The following DDHD1 variants were observed in gnomAD, a reference collection of about 807,000 sequenced individuals.
The protein encoded by DDHD1 is DDHD domain containing 1, also known as phospholipase DDHD1.
DDHD1 carries 49 observed loss-of-function variants against 96.4 expected under a neutral mutation model. The ratio of observed to expected loss-of-function variants is 0.51; its 90% CI spans 0.40 to 0.64. The LOEUF is 0.64. Among genes scored for constraint, DDHD1 ranks in the 30% least tolerant of loss-of-function variants. DDHD1 has a pLI of 0.00. For synonymous variants in DDHD1, 442 were observed against 446.5 expected (o/e 0.99, Z 0.13); for missense variants, 1,106 against 1,161.2 (o/e 0.95, Z 0.69).
In DDHD1 at chr14:53,046,945, C is replaced by T. The variant is rs368019624; in HGVS notation, c.2526G>A (p.Glu842=). The T allele has an allele frequency of 1.6e-5, 25 of 1,602,258 alleles. No individual in the cohort carries two copies. In the Middle Eastern group the frequency reaches 5.0e-4, roughly 32 times the overall value. The change falls in exon 13 of 13, where the codon GAG becomes GAA. Residue 842 remains glutamate (E), a synonymous_variant. Transcript: ENST00000673822. The part of the protein sequence containing the change: ...VMQNKDNALV[E]LDHRIDFELR... ...GTTCAAAATCAATCCTGTGATCCAA[C>T]TCCACTAAAAAGAAAAGAAGTTAAA...
Position 53,102,830 on chromosome 14 carries a change from T to C in DDHD1, c.1012+853A>G, listed in dbSNP as rs1180747223. Among the ~76,000 whole-genome samples the C allele has an allele frequency of 2.0e-5, 3 of 152,114 alleles. No individual in the cohort carries two copies. In the East Asian group the frequency reaches 5.8e-4, roughly 29 times the overall value. On this transcript the variant is annotated intron_variant, in intron 2 of 12. Transcript: ENST00000673822. ...TTCAAGCTTCATTCTGTAAATCACCTGATCAATATTGAGTTTTTCTGCTTT... is the reference window on the plus strand; with the variant it reads ...TTCAAGCTTCATTCTGTAAATCACCCGATCAATATTGAGTTTTTCTGCTTT...
At chr14:53,108,790 CAG>C (rs1357465749) in intron 1 of DDHD1, among the ~76,000 whole-genome samples, 1 of 152,114 alleles carries the variant, frequency 6.6e-6, no homozygotes, top group African/African-American at 2.4e-5. Flanking sequence ...CTTTTCATGT[CAG>C]AGTTTAGATT....
At chr14:53,118,858 T>C (rs1358112170) in intron 1 of DDHD1, among the ~76,000 whole-genome samples, 1 of 152,018 alleles carries the variant, frequency 6.6e-6, no homozygotes, top group African/African-American at 2.4e-5. Context: ...GACACATTAA[T>C]TGTCAGATTC....
In DDHD1 at chr14:53,153,196, T is replaced by C. The variant is rs1891599682; in HGVS notation, c.-98A>G. ...CGCCGCCGCCCTCTCCACCCGAAGTTTCTAATCTTTCAAATCCCGACCCGA... is the reference window on the plus strand; with the variant it reads ...CGCCGCCGCCCTCTCCACCCGAAGTCTCTAATCTTTCAAATCCCGACCCGA... On this transcript the variant is annotated 5_prime_UTR_variant, in exon 1 of 13. Transcript: ENST00000673822. 9.0e-7 allele frequency: 1 copy of C among 1,112,748 alleles called. No individual in the cohort carries two copies. Among genetic ancestry groups the C allele is most frequent in the East Asian group, 3.2e-5 (1 of 30,924 alleles). 68.9% of individuals were successfully genotyped at this position (1,112,748 alleles called of 1,614,324 possible). A position where few individuals can be genotyped will look rare whatever the true frequency, so the allele number is the denominator to read the frequency against.
At chr14:53,111,635 C>A (rs1027638008) in intron 1 of DDHD1, among the ~76,000 whole-genome samples, 9 of 137,876 alleles carry the variant, frequency 6.5e-5, no homozygotes, top group African/African-American at 3.0e-4. Flanking sequence ...AAGTTTATTA[C>A]CCCCCCCCAA....
chr14:53,133,553 C>A (rs1237561523), intron 1 of DDHD1, among the ~76,000 whole-genome samples: 3 of 152,190 alleles, frequency 2.0e-5, no homozygotes, highest in African/African-American at 7.2e-5. Context: ...TAAAGACACA[C>A]CTCACCAAAC....
intron 2 of DDHD1, among the ~76,000 whole-genome samples, chr14:53,099,909 G>C (rs1887171702): frequency 6.6e-6 from 1 of 151,850 alleles, no homozygotes; most frequent in South Asian, 2.1e-4. Flanking sequence ...ATGCTACAAA[G>C]AGTTACACAC....
intron 1 of DDHD1, among the ~76,000 whole-genome samples, chr14:53,126,684 T>C (rs1435038519): frequency 6.6e-6 from 1 of 152,196 alleles, no homozygotes; most frequent in Non-Finnish European, 1.5e-5. Context: ...CATCTTTCTT[T>C]AAGACTCATA....
chr14:53,104,984 A>G (rs936024571), intron 1 of DDHD1, among the ~76,000 whole-genome samples: 2 of 152,110 alleles, frequency 1.3e-5, no homozygotes, highest in African/African-American at 2.4e-5. Context: ...ATTGTTAGTA[A>G]TACTATTTGT....
At chr14:53,075,808 T>C (rs932422969) in intron 4 of DDHD1, among the ~76,000 whole-genome samples, 1 of 152,160 alleles carries the variant, frequency 6.6e-6, no homozygotes, top group Non-Finnish European at 1.5e-5. Context: ...CCTAGGGCCC[T>C]TAAGAATTAT....
At chr14:53,077,230 T>A (rs1448032836) in intron 4 of DDHD1, among the ~76,000 whole-genome samples, 2 of 152,206 alleles carry the variant, frequency 1.3e-5, no homozygotes, top group Non-Finnish European at 2.9e-5. Flanking sequence ...ACACACAACT[T>A]CTTCTCTTTT....
At position 53,103,017 on chromosome 14, in the gene DDHD1, A is replaced by C. The variant is rs1444396538; in HGVS notation, c.1012+666T>G. 4.5e-6 allele frequency: 7 copies of C among 1,563,462 alleles called. No homozygotes were observed. The African/African-American group carries it at 8.1e-5, about 18-fold the overall frequency. On this transcript the variant is annotated intron_variant, in intron 2 of 12. Transcript: ENST00000673822. The stretch of plus-strand genomic sequence containing the variant: ...AATCTACAAATTCTAATCTACCTGT[A>C]CAGTTATACTCACCAGAATAGTTGA...
intron 4 of DDHD1, among the ~76,000 whole-genome samples, chr14:53,077,232 T>C (rs1468772335): frequency 6.6e-6 from 1 of 152,236 alleles, no homozygotes; most frequent in African/African-American, 2.4e-5. Flanking sequence ...ACACAACTTC[T>C]TCTCTTTTTA....
intron 8 of DDHD1, among the ~76,000 whole-genome samples, chr14:53,059,573 A>G (rs575716139): frequency 1.3e-5 from 2 of 148,664 alleles, no homozygotes; most frequent in African/African-American, 4.9e-5. Context: ...GAGAATAAAA[A>G]TAGTCTGATA....
intron 4 of DDHD1, among the ~76,000 whole-genome samples, chr14:53,081,106 G>T (rs1268057191): frequency 6.6e-6 from 1 of 152,118 alleles, no homozygotes; most frequent in Non-Finnish European, 1.5e-5. Flanking sequence ...AAGAAGCCTA[G>T]ATTCTACTTT....
chr14:53,121,767 G>A (rs1411849361), intron 1 of DDHD1, among the ~76,000 whole-genome samples: 1 of 151,988 alleles, frequency 6.6e-6, no homozygotes, highest in Non-Finnish European at 1.5e-5. Flanking sequence ...ACACACCAGG[G>A]GTCAGGAAGC....
intron 1 of DDHD1, among the ~76,000 whole-genome samples, chr14:53,138,613 G>A (rs185318305): frequency 1.9e-4 from 29 of 152,138 alleles, no homozygotes; most frequent in African/African-American, 6.0e-4. Flanking sequence ...CCTTCAGAGA[G>A]CTGAGGTCAC....
At chr14:53,098,917 A>C (rs1763817890) in intron 2 of DDHD1, among the ~76,000 whole-genome samples, 1 of 152,046 alleles carries the variant, frequency 6.6e-6, no homozygotes, top group African/African-American at 2.4e-5. Context: ...TTGCGTTCTT[A>C]AACAATCTGT....
intron 4 of DDHD1, among the ~76,000 whole-genome samples, chr14:53,077,663 GTTTTTGTT>G (rs993785730): frequency 8.8e-5 from 5 of 56,734 alleles, no homozygotes; most frequent in Non-Finnish European, 2.0e-4. Flanking sequence ...ATTAGTTTTT[GTTTTTGTT>G]TTTTTTTTTT....
Sources: allele counts gnomAD v4.1 joint callset (sites outside exome capture counted in the v4.1 genomes callset), GRCh38; gene constraint gnomAD v4.1.1; transcripts MANE v1.5; gene names NCBI Gene and HGNC (gene_info 2026-07-23, HGNC 2026-07-21).